The following RAB3GAP2 variants were observed in gnomAD, a reference collection of about 807,000 sequenced individuals.
The protein encoded by RAB3GAP2 is rab3 GTPase-activating protein non-catalytic subunit.
Under a neutral mutation model 185.3 loss-of-function variants are expected in RAB3GAP2, and 87 were observed. That is an observed-to-expected ratio of 0.47 (90% CI 0.39 to 0.56). The LOEUF (loss-of-function observed/expected upper bound fraction) is 0.56. Among genes scored for constraint, RAB3GAP2 ranks in the 20% least tolerant of loss-of-function variants. RAB3GAP2 has a pLI of 0.00. For missense variants in RAB3GAP2, 1,492 were observed against 1,638.2 expected, an observed-to-expected ratio of 0.91 and a Z score of 1.54; for synonymous variants, 554 against 576.1, an observed-to-expected ratio of 0.96 and a Z score of 0.55.
chr1:220,209,366 CA>C (rs1659035810), intron 7 of RAB3GAP2, among the ~76,000 whole-genome samples: 1 of 152,132 alleles, frequency 6.6e-6, no homozygotes, highest in South Asian at 2.1e-4. Context: ...AATCTTCTCT[CA>C]AATCTTCTCC....
At position 220,167,171 on chromosome 1, in the gene RAB3GAP2, G is replaced by C. The variant is rs572298996; in HGVS notation, c.3087+122C>G. On this transcript the variant is annotated intron_variant, in intron 26 of 34. Coordinates refer to ENST00000358951, the MANE Select transcript of RAB3GAP2 (RefSeq NM_012414.4). ...AAAAAGGTCTACCCTAGTTAGTACA[G>C]AGGCATTACAACGGGGAAAAAGCCA... 445 of 848,602 alleles carry C rather than the reference G, an allele frequency of 5.2e-4. 2 individuals are homozygous for C. Among genetic ancestry groups the C allele is most frequent in the Admixed American group, 3.5e-3 (174 of 50,116 alleles). 52.6% of individuals were successfully genotyped at this position (848,602 alleles called of 1,614,324 possible).
At chr1:220,245,124 G>GA (rs60329512) in intron 1 of RAB3GAP2, among the ~76,000 whole-genome samples, 32,033 of 147,066 alleles carry the variant, frequency 0.22, 4,382 homozygotes, top group African/African-American at 0.4. Context: ...AAATCAGCAA[G>GA]AAAAAAAAAA....
chr1:220,191,179 C>T lies in RAB3GAP2; in HGVS notation c.1376G>A (p.Ser459Asn). 1 of 1,614,030 alleles carries T rather than the reference C, an allele frequency of 6.2e-7. No homozygotes were observed. The highest frequency in any genetic ancestry group is 1.7e-5 in the Admixed American group (1 of 59,980). Residue 459 changes from serine to asparagine, a missense_variant, in exon 14 of 35, where the codon AGT becomes AAT. Physicochemically the swap from Ser to Asn is conservative, Grantham distance 46. Transcript: ENST00000358951. ...GATCACAAGGAATTGAGCTACTCGACTTGGACCCTGAGAATTTCCAAAGGG... is the reference window on the plus strand; with the variant it reads ...GATCACAAGGAATTGAGCTACTCGATTTGGACCCTGAGAATTTCCAAAGGG... ...FSPFGNSQGP[S>N]RVAQFLVIYA...
chr1:220,189,937 T>C (rs891002735), intron 16 of RAB3GAP2, 127 bp downstream of exon 16: 24 of 1,083,186 alleles, frequency 2.2e-5, no homozygotes, highest in Non-Finnish European at 3.0e-5. Flanking sequence ...ATGGCACACT[T>C]CAGCCTTACA....
Position 220,158,281 on chromosome 1 carries a change from T to G in RAB3GAP2, c.3262-405A>C, listed in dbSNP as rs1657896305. Among the ~76,000 whole-genome samples, 2 of 152,120 alleles carry G rather than the reference T, an allele frequency of 1.3e-5. No individual in the cohort carries two copies. Among genetic ancestry groups the G allele is most frequent in the Non-Finnish European group, 2.9e-5 (2 of 68,024 alleles). On this transcript the variant is annotated intron_variant, in intron 29 of 34. Coordinates refer to ENST00000358951, the MANE Select transcript of RAB3GAP2 (RefSeq NM_012414.4). The surrounding 1 kb of genome is among the most constrained non-coding windows in gnomAD (Gnocchi z 4.3). The stretch of plus-strand genomic sequence containing the variant: ...GAAAAGCTCCAAGAAAACAGCCTGG[T>G]CTGCTTTCAGAGCGTCTTTTAGAGA...
In RAB3GAP2 at chr1:220,182,910, G is replaced by A. The variant is rs532062691; in HGVS notation, c.2020C>T (p.Leu674Phe). The change falls in exon 20 of 35, where the codon CTT becomes TTT. Residue 674 changes from leucine to phenylalanine, a missense_variant. Around this residue, in one of 5 missense-constraint regions of RAB3GAP2, gnomAD observed 681 missense variants for 689.1 expected, o/e 0.99. Coordinates refer to ENST00000358951, the MANE Select transcript of RAB3GAP2 (RefSeq NM_012414.4). ...AGCTTAAGCAGTTCTTTTTCATCAAGCCTTAGTAACAGAGCCAAGTCCTTT... is the reference window on the plus strand; with the variant it reads ...AGCTTAAGCAGTTCTTTTTCATCAAACCTTAGTAACAGAGCCAAGTCCTTT... ...SDNDLALLLRLDEKELLKLQA... is the reference protein window; with the variant it reads ...SDNDLALLLRFDEKELLKLQA... The A allele has an allele frequency of 6.2e-6, 10 of 1,612,716 alleles. No homozygotes were observed. The African/African-American group carries it at 8.0e-5, about 13-fold the overall frequency.
intron 9 of RAB3GAP2, among the ~76,000 whole-genome samples, chr1:220,201,613 C>A (rs1249814437): frequency 1.3e-5 from 2 of 152,100 alleles, no homozygotes; most frequent in African/African-American, 4.8e-5. Flanking sequence ...AATTCTCCTG[C>A]CTCAGCCTCC....
chr1:220,182,629 C>G, intron 20 of RAB3GAP2, 89 bp downstream of exon 20: 1 of 1,276,236 alleles, frequency 7.8e-7, no homozygotes, highest in South Asian at 1.5e-5. Flanking sequence ...AATTTCAAAA[C>G]AAATGGAATC....
chr1:220,197,906 TC>T (rs1658760794), intron 9 of RAB3GAP2, among the ~76,000 whole-genome samples: 1 of 152,174 alleles, frequency 6.6e-6, no homozygotes, highest in South Asian at 2.1e-4. Flanking sequence ...GATCCTGTCA[TC>T]AGCAACTGTA....
At chr1:220,245,337 G>T (rs375675611) in intron 1 of RAB3GAP2, among the ~76,000 whole-genome samples, 1 of 152,216 alleles carries the variant, frequency 6.6e-6, no homozygotes, top group Non-Finnish European at 1.5e-5. Flanking sequence ...GAAGCAGGGC[G>T]AGGCATTGCC....
intron 24 of RAB3GAP2, among the ~76,000 whole-genome samples, chr1:220,168,496 C>T (rs1309286691): frequency 6.6e-6 from 1 of 151,738 alleles, no homozygotes; most frequent in African/African-American, 2.4e-5. Flanking sequence ...CTCCCAGGTA[C>T]AAGGGATTAT....
At position 220,210,973 on chromosome 1, in the gene RAB3GAP2, G is replaced by A. The variant is rs1659075317; in HGVS notation, c.416C>T (p.Pro139Leu). ...GECVTSALCI[P>L]LASQKRSSTG... Reference sequence around the variant, plus strand: ...TCCTTACCTCTTTTGGCTTGCTAGTGGGATACATAGAGCACTGGTTACACA... The same window carrying A: ...TCCTTACCTCTTTTGGCTTGCTAGTAGGATACATAGAGCACTGGTTACACA... Residue 139 changes from proline to leucine, a missense_variant, in exon 5 of 35, where the codon CCA (proline) becomes CTA (leucine). Around this residue, in one of 5 missense-constraint regions of RAB3GAP2, gnomAD observed 243 missense variants for 314.8 expected, o/e 0.77. Transcript: ENST00000358951. The A allele has an allele frequency of 6.2e-7, 1 of 1,613,844 alleles. No homozygotes were observed. The highest frequency in any genetic ancestry group is 2.2e-5 in the East Asian group (1 of 44,854).
At chr1:220,230,725 A>AT (rs1269002027) in intron 2 of RAB3GAP2, among the ~76,000 whole-genome samples, 1 of 152,190 alleles carries the variant, frequency 6.6e-6, no homozygotes. Flanking sequence ...ACTTCTTATT[A>AT]TGGATATTTA....
chr1:220,157,661 T>A, intron 30 of RAB3GAP2, 141 bp downstream of exon 30: 2 of 1,027,534 alleles, frequency 1.9e-6, no homozygotes, highest in Non-Finnish European at 2.9e-6. Flanking sequence ...AAAACATCAC[T>A]ACCTTCTGGG....
At chr1:220,200,410 T>G in intron 9 of RAB3GAP2, 1 of 339,554 alleles carries the variant, frequency 2.9e-6, no homozygotes, top group South Asian at 2.5e-5. Context: ...CACCAAAACG[T>G]AAGCTTTATC....
intron 17 of RAB3GAP2, among the ~76,000 whole-genome samples, 191 bp downstream of exon 17, chr1:220,189,511 AT>A: frequency 1.1e-5 from 1 of 90,204 alleles, no homozygotes; most frequent in Non-Finnish European, 2.2e-5. Context: ...AGGCATGAAT[AT>A]TAATTTTTTT....
At chr1:220,162,152 T>A (rs781460743) in intron 28 of RAB3GAP2, 46 bp downstream of exon 28, 1 of 1,341,384 alleles carries the variant, frequency 7.5e-7, no homozygotes, top group Admixed American at 1.7e-5. Flanking sequence ...ATTAGTCAAA[T>A]AAGAGAATCA....
intron 21 of RAB3GAP2, among the ~76,000 whole-genome samples, chr1:220,175,240 T>C (rs1452427803): frequency 6.6e-6 from 1 of 152,138 alleles, no homozygotes; most frequent in African/African-American, 2.4e-5. Context: ...TTTTCTTTTT[T>C]TTTTGAGACA....
At position 220,167,349 on chromosome 1, in the gene RAB3GAP2, C is replaced by T. The variant is rs1658088143; in HGVS notation, c.3031G>A (p.Val1011Ile). The T allele has an allele frequency of 3.7e-6, 6 of 1,614,180 alleles. No homozygotes were observed. Among genetic ancestry groups the T allele is most frequent in the African/African-American group, 2.7e-5 (2 of 75,042 alleles). ...TCCCAGCAGCAATGTGCATGCAAGACATCGAGCTCAAGGCTACAAGGAAAC... is the reference window on the plus strand; with the variant it reads ...TCCCAGCAGCAATGTGCATGCAAGATATCGAGCTCAAGGCTACAAGGAAAC... ...EQFPCSLELD[V>I]LHAHCCWEYV... Residue 1011 changes from valine to isoleucine, a missense_variant, in exon 26 of 35, where the codon GTC (valine) becomes ATC (isoleucine). Transcript: ENST00000358951.
Sources: gnomAD v4.1 joint callset for allele counts (sites outside exome capture counted in the v4.1 genomes callset) on GRCh38, gnomAD v4.1.1 for gene constraint, gnomAD v4.1.1 regional missense constraint, Gnocchi (gnomAD v3.1) non-coding constraint, MANE v1.5 for transcripts, NCBI Gene and HGNC (gene_info 2026-07-23, HGNC 2026-07-21) for gene names.